Variants in CTSH observed in about 807,000 individuals in gnomAD.
CTSH encodes cathepsin H, also known as pro-cathepsin H.
Under a neutral mutation model 56.3 loss-of-function variants are expected in CTSH, and 52 were observed. The ratio of observed to expected loss-of-function variants is 0.92; its 90% CI spans 0.74 to 1.16. The LOEUF is 1.16. CTSH is among the 50% of genes most tolerant of loss of function. CTSH has a pLI of 0.00. For missense variants in CTSH, 406 were observed against 424.5 expected, an observed-to-expected ratio of 0.96 and a Z score of 0.38; for synonymous variants, 174 against 155.7, an observed-to-expected ratio of 1.12 and a Z score of -0.88.
intron 6 of CTSH, 110 bp from the exon 7 acceptor site, chr15:78,931,616 G>A: frequency 6.3e-7 from 1 of 1,576,676 alleles, no homozygotes; most frequent in Non-Finnish European, 8.6e-7. Context: ...CGTCAGTGCT[G>A]TGTCAAGGTG....
In CTSH at chr15:78,931,507, C is replaced by T; in HGVS notation, c.493-1G>A. The T allele has an allele frequency of 6.2e-7, 1 of 1,614,232 alleles. No homozygotes were observed. The highest frequency in any genetic ancestry group is 8.5e-7 in the Non-Finnish European group (1 of 1,180,036). ...CGCAGTCCACCAGCTGCTGTTCCGC[C>T]TGGAAGAAGGACACAACCCAGTGAC... On this transcript the variant is annotated splice_acceptor_variant, in intron 6 of 11. Coordinates refer to ENST00000220166, the MANE Select transcript of CTSH (RefSeq NM_004390.5). LOFTEE classifies it high-confidence loss of function.
chr15:78,926,793 G>A (rs1013043253), intron 9 of CTSH: 10 of 152,162 alleles, frequency 6.6e-5, no homozygotes, highest in African/African-American at 1.9e-4. Context: ...TGTCAAATGA[G>A]GTAATAAGGA....
chr15:78,922,149 T>C lies in CTSH; in HGVS notation c.989A>G (p.Tyr330Cys). Residue 330 changes from tyrosine (Y) to cysteine (C), a missense_variant, in exon 12 of 12, where the codon TAC becomes TGC. By Grantham distance (194) the Tyr-to-Cys change is radical (BLOSUM62 -2). Coordinates refer to ENST00000220166, the MANE Select transcript of CTSH (RefSeq NM_004390.5). ...NMCGLAACAS[Y>C]PIPLV Reference sequence around the variant, plus strand: ...CACGGCTCACACCAGAGGGATGGGGTAGGAGGCGCAGGCAGCCAGGCCACA... The same window carrying C: ...CACGGCTCACACCAGAGGGATGGGGCAGGAGGCGCAGGCAGCCAGGCCACA... 3.8e-6 allele frequency: 6 copies of C among 1,576,018 alleles called. No homozygotes were observed. The highest frequency in any genetic ancestry group is 5.2e-6 in the Non-Finnish European group (6 of 1,161,740).
intron 11 of CTSH, among the ~76,000 whole-genome samples, 187 bp downstream of exon 11, chr15:78,922,806 G>A (rs896544582): frequency 2.0e-5 from 3 of 152,214 alleles, no homozygotes; most frequent in African/African-American, 7.2e-5. Context: ...CCCTGTGAGG[G>A]CTGCAAATGG....
intron 1 of CTSH, 47 bp from the exon 2 acceptor site, chr15:78,939,218 T>C: frequency 6.6e-7 from 1 of 1,509,064 alleles, no homozygotes; most frequent in Admixed American, 2.1e-5. Context: ...CACAGTAATG[T>C]TGAGTCTATA....
intron 8 of CTSH, 90 bp from the exon 9 acceptor site, chr15:78,927,871 C>G (rs1160825681): frequency 1.9e-6 from 2 of 1,042,084 alleles, no homozygotes; most frequent in Admixed American, 3.6e-5. Context: ...CTAAACAAAA[C>G]AAGATGTGCC....
At position 78,922,023 on chromosome 15, in the gene CTSH, G is replaced by T; in HGVS notation, c.*107C>A. ...ACAGAGGTGAGGGCAGAATGTTGGG[G>T]GTCCCAGTGGATCTCCCCACAACTT... On this transcript the variant is annotated 3_prime_UTR_variant, in exon 12 of 12. Coordinates refer to ENST00000220166, the MANE Select transcript of CTSH (RefSeq NM_004390.5). 1 of 1,008,932 alleles carries T rather than the reference G, an allele frequency of 9.9e-7. No individual in the cohort carries two copies. The highest frequency in any genetic ancestry group is 1.5e-6 in the Non-Finnish European group (1 of 670,582). The allele number at this position is 1,008,932 out of a possible 1,614,324, so 62.5% of individuals were successfully genotyped here. A position where few individuals can be genotyped will look rare whatever the true frequency, so the allele number is the denominator to read the frequency against.
chr15:78,922,899 G>C, intron 11 of CTSH, 94 bp downstream of exon 11: 1 of 1,461,654 alleles, frequency 6.8e-7, no homozygotes, highest in Non-Finnish European at 9.2e-7. Flanking sequence ...GCTCGTCTGT[G>C]GAAGCCGTAA....
rs2054784010 is a variant in CTSH, at chr15:78,922,174, A to G, written c.964T>C (p.Cys322Arg). The G allele has an allele frequency of 1.3e-6, 2 of 1,583,696 alleles. No homozygotes were observed. The highest frequency in any genetic ancestry group is 1.7e-6 in the Non-Finnish European group (2 of 1,165,746). Reference sequence around the variant, plus strand: ...TAGGAGGCGCAGGCAGCCAGGCCACACATGTTCTTTCCGCGCTCGATGAGG... The same window carrying G: ...TAGGAGGCGCAGGCAGCCAGGCCACGCATGTTCTTTCCGCGCTCGATGAGG... ...YFLIERGKNM[C>R]GLAACASYPI... is the part of the protein sequence containing the mutation. Residue 322 changes from cysteine (C) to arginine (R), a missense_variant, in exon 12 of 12, where the codon TGT (cysteine) becomes CGT (arginine). By Grantham distance (180) the Cys-to-Arg change is radical (BLOSUM62 -3). Coordinates refer to ENST00000220166, the MANE Select transcript of CTSH (RefSeq NM_004390.5).
chr15:78,934,073 C>T (rs974411063), intron 5 of CTSH, among the ~76,000 whole-genome samples: 12 of 152,230 alleles, frequency 7.9e-5, no homozygotes, highest in Non-Finnish European at 1.5e-4. Context: ...AAAAATGTCA[C>T]GGGGCAAAGG....
In CTSH at chr15:78,921,075, C is replaced by G. The variant is rs2054763810; in HGVS notation, c.*1055G>C. The G allele has an allele frequency of 6.6e-6, 1 of 152,128 alleles. No homozygotes were observed. The highest frequency in any genetic ancestry group is 1.5e-5 in the Non-Finnish European group (1 of 68,026). 9.4% of individuals were successfully genotyped at this position (152,128 alleles called of 1,614,324 possible). The stretch of plus-strand genomic sequence containing the variant: ...TACTAGAATTTTCTAATAAATTAAA[C>G]TATATTTGCATTATCTAAATAAGCC... On this transcript the variant is annotated 3_prime_UTR_variant, in exon 12 of 12. Coordinates refer to ENST00000220166, the MANE Select transcript of CTSH (RefSeq NM_004390.5).
At chr15:78,943,967 G>A (rs1402303997) in intron 1 of CTSH, among the ~76,000 whole-genome samples, 1 of 152,194 alleles carries the variant, frequency 6.6e-6, no homozygotes, top group Non-Finnish European at 1.5e-5. Context: ...GGGAAGGAAT[G>A]AGGCAACCCT....
At chr15:78,927,809 ACAGGTTATGGACCCGAAGTCT>A in intron 8 of CTSH, 28 bp from the exon 9 acceptor site, 2 of 1,604,436 alleles carry the variant, frequency 1.2e-6, no homozygotes, top group Non-Finnish European at 8.5e-7. Context: ...GGCATGAAAT[ACAGGTTATGGACCCGAAGTCT>A]CAGCCTCCCC....
intron 6 of CTSH, chr15:78,931,840 AC>A: frequency 7.8e-7 from 1 of 1,279,574 alleles, no homozygotes; most frequent in Admixed American, 3.3e-5. Flanking sequence ...GATGGGGGAA[AC>A]AGGCCCAGCC....
At chr15:78,934,235 A>C (rs1055191515) in intron 5 of CTSH, among the ~76,000 whole-genome samples, 3 of 152,206 alleles carry the variant, frequency 2.0e-5, no homozygotes, top group Non-Finnish European at 4.4e-5. Flanking sequence ...AAAGTGAAAA[A>C]ACATTTCTCA....
At chr15:78,937,888 A>G (rs1203774508) in intron 2 of CTSH, 3 of 1,000,724 alleles carry the variant, frequency 3.0e-6, no homozygotes, top group Non-Finnish European at 4.1e-6. Flanking sequence ...GGTAAATGTA[A>G]TATTTCGATA....
chr15:78,927,788 A>C lies in CTSH; in HGVS notation c.631-7T>G. ...GGAACTTGCAATAACCATCCTGTTGAGGATGCAAAGGGCATGAAATACAGG... is the reference window on the plus strand; with the variant it reads ...GGAACTTGCAATAACCATCCTGTTGCGGATGCAAAGGGCATGAAATACAGG... On this transcript the variant is annotated splice_polypyrimidine_tract_variant and splice_region_variant and intron_variant, in intron 8 of 11. Coordinates refer to ENST00000220166, the MANE Select transcript of CTSH (RefSeq NM_004390.5). 2 of 1,613,760 alleles carry C rather than the reference A, an allele frequency of 1.2e-6. No individual in the cohort carries two copies. Among genetic ancestry groups the C allele is most frequent in the Non-Finnish European group, 1.7e-6 (2 of 1,179,616 alleles).
chr15:78,932,346 G>GCAGGTCAGT (rs2055079586), intron 6 of CTSH, 26 bp downstream of exon 6: 1 of 1,606,400 alleles, frequency 6.2e-7, no homozygotes, highest in Admixed American at 1.7e-5. Flanking sequence ...TCCTCCGCAG[G>GCAGGTCAGT]GGGTCGCCTG....
chr15:78,922,324 A>AAAAC (rs565055667), intron 11 of CTSH, 119 bp from the exon 12 acceptor site: 79 of 762,092 alleles, frequency 1.0e-4, no homozygotes, highest in Non-Finnish European at 1.7e-4. Flanking sequence ...ATTTATTCAT[A>AAAAC]AAACAGTAGC....
Sources: gnomAD v4.1 joint callset for allele counts (sites outside exome capture counted in the v4.1 genomes callset) on GRCh38, gnomAD v4.1.1 for gene constraint, MANE v1.5 for transcripts, NCBI Gene and HGNC (gene_info 2026-07-23, HGNC 2026-07-21) for gene names.